Variants in CNTNAP5 observed in about 807,000 individuals in gnomAD.
The protein encoded by CNTNAP5 is contactin-associated protein-like 5.
Under a neutral mutation model 150.2 loss-of-function variants are expected in CNTNAP5, and 72 were observed. The ratio of observed to expected loss-of-function variants is 0.48; its 90% CI spans 0.40 to 0.58. The LOEUF (loss-of-function observed/expected upper bound fraction) is 0.58. Among genes scored for constraint, CNTNAP5 ranks in the 20% least tolerant of loss-of-function variants. The pLI is 0.00. For synonymous variants in CNTNAP5, 672 were observed against 619.8 expected (o/e 1.08, Z -1.25); for missense variants, 1,636 against 1,626.2 (o/e 1.01, Z -0.10).
chr2:124,252,604 G>A lies in CNTNAP5; in HGVS notation c.381+10211G>A, dbSNP rs535127434. ...TTCATACACTCCCCCCTCATTCCAC[G>A]TAATGTGTTTGAGTTCTCTTCTTGA... On this transcript the variant is annotated intron_variant, in intron 3 of 23. Transcript: ENST00000682447. Among the ~76,000 whole-genome samples the A allele has an allele frequency of 2.1e-4, 32 of 152,112 alleles. No homozygotes were observed. In the South Asian group the frequency reaches 2.3e-3, roughly 11 times the overall value.
chr2:124,559,537 A>T (rs1421341545), intron 10 of CNTNAP5, among the ~76,000 whole-genome samples: 1 of 152,196 alleles, frequency 6.6e-6, no homozygotes, highest in African/African-American at 2.4e-5. Context: ...TATCGTTAGG[A>T]TTTTAGAAGA....
intron 3 of CNTNAP5, among the ~76,000 whole-genome samples, chr2:124,278,066 C>T (rs752990972): frequency 9.2e-5 from 14 of 152,034 alleles, no homozygotes; most frequent in African/African-American, 2.2e-4. Context: ...CTGTTAAAAA[C>T]GCTGAAAGAA....
At chr2:124,133,676 T>C (rs990964072) in intron 1 of CNTNAP5, among the ~76,000 whole-genome samples, 5 of 152,054 alleles carry the variant, frequency 3.3e-5, no homozygotes, top group Non-Finnish European at 4.4e-5. Flanking sequence ...GTAGTGCTTT[T>C]TTTCCCTCTG....
chr2:124,461,288 C>A (rs2104820918), intron 6 of CNTNAP5, among the ~76,000 whole-genome samples: 1 of 152,096 alleles, frequency 6.6e-6, no homozygotes, highest in African/African-American at 2.4e-5. Flanking sequence ...AAATGTCCAA[C>A]AATGATAGAC....
intron 3 of CNTNAP5, among the ~76,000 whole-genome samples, chr2:124,279,116 T>C (rs1327288841): frequency 1.3e-5 from 2 of 151,948 alleles, no homozygotes; most frequent in Admixed American, 6.6e-5. Context: ...ACAGCTCTGA[T>C]TGACGCCGCT....
intron 21 of CNTNAP5, among the ~76,000 whole-genome samples, chr2:124,887,158 G>A (rs1678098188): frequency 1.3e-5 from 2 of 151,984 alleles, no homozygotes; most frequent in South Asian, 4.1e-4. Context: ...AGCTGTGTAA[G>A]CTCTTAGTTC....
intron 3 of CNTNAP5, among the ~76,000 whole-genome samples, chr2:124,258,306 G>T (rs1049680294): frequency 6.6e-6 from 1 of 152,118 alleles, no homozygotes; most frequent in South Asian, 2.1e-4. Flanking sequence ...CCTAGAATAT[G>T]CTCTTTGTAC....
intron 11 of CNTNAP5, among the ~76,000 whole-genome samples, chr2:124,593,196 A>T (rs1205361142): frequency 6.8e-6 from 1 of 147,098 alleles, no homozygotes; most frequent in Non-Finnish European, 1.5e-5. Context: ...CAGGTTAGTT[A>T]CATATGTATA....
At chr2:124,288,531 C>A (rs1573893059) in intron 3 of CNTNAP5, among the ~76,000 whole-genome samples, 1 of 152,066 alleles carries the variant, frequency 6.6e-6, no homozygotes, top group African/African-American at 2.4e-5. Flanking sequence ...ATTATTTTCT[C>A]TTGGTGTCAT....
At chr2:124,683,617 A>G (rs912308777) in intron 13 of CNTNAP5, among the ~76,000 whole-genome samples, 2 of 152,118 alleles carry the variant, frequency 1.3e-5, no homozygotes, top group Admixed American at 1.3e-4. Flanking sequence ...GGCTTTTTAA[A>G]TAAGGGAATC....
chr2:124,808,549 G>C (rs2104653601), intron 19 of CNTNAP5, among the ~76,000 whole-genome samples: 1 of 151,218 alleles, frequency 6.6e-6, no homozygotes, highest in South Asian at 2.1e-4. Context: ...GATTGCACCA[G>C]GGCACTCCAG....
At chr2:124,488,440 G>A (rs139253265) in intron 7 of CNTNAP5, among the ~76,000 whole-genome samples, 45 of 152,250 alleles carry the variant, frequency 3.0e-4, no homozygotes, top group South Asian at 6.2e-4. Context: ...CCCAAGATAC[G>A]TAACTAGCAT....
intron 3 of CNTNAP5, among the ~76,000 whole-genome samples, chr2:124,308,746 G>C (rs1688751176): frequency 6.6e-6 from 1 of 152,102 alleles, no homozygotes; most frequent in African/African-American, 2.4e-5. Context: ...AAATATAAAA[G>C]CACTAACTGG....
chr2:124,374,137 A>G (rs1409487672), intron 3 of CNTNAP5, among the ~76,000 whole-genome samples: 1 of 152,110 alleles, frequency 6.6e-6, no homozygotes, highest in Non-Finnish European at 1.5e-5. Flanking sequence ...ATAAATTCTT[A>G]GATTTTAAGT....
intron 12 of CNTNAP5, among the ~76,000 whole-genome samples, chr2:124,636,291 G>A (rs1338745871): frequency 6.6e-6 from 1 of 152,042 alleles, no homozygotes; most frequent in Non-Finnish European, 1.5e-5. Flanking sequence ...CTTCTATGAG[G>A]TAATCGATGT....
At chr2:124,106,584 T>C (rs1017845080) in intron 1 of CNTNAP5, among the ~76,000 whole-genome samples, 4 of 152,186 alleles carry the variant, frequency 2.6e-5, no homozygotes, top group African/African-American at 9.7e-5. Flanking sequence ...CAAAAAGCCA[T>C]GAAGACTCTA....
At chr2:124,825,567 A>T (rs1257704509) in intron 19 of CNTNAP5, among the ~76,000 whole-genome samples, 1 of 152,166 alleles carries the variant, frequency 6.6e-6, no homozygotes, top group Non-Finnish European at 1.5e-5. Flanking sequence ...GTGAGAAATG[A>T]ATGCATCCTA....
intron 1 of CNTNAP5, among the ~76,000 whole-genome samples, chr2:124,190,956 G>C (rs756271427): frequency 1.3e-4 from 20 of 152,106 alleles, no homozygotes; most frequent in Non-Finnish European, 2.6e-4. Flanking sequence ...CACTCCATGT[G>C]TCTATTGTTT....
intron 1 of CNTNAP5, among the ~76,000 whole-genome samples, chr2:124,087,576 G>T (rs1477256121): frequency 1.3e-5 from 2 of 151,780 alleles, no homozygotes; most frequent in African/African-American, 4.9e-5. Context: ...ACAAAAATTA[G>T]CTGGGCGTGG....
Sources: allele counts gnomAD v4.1 joint callset (sites outside exome capture counted in the v4.1 genomes callset), GRCh38; gene constraint gnomAD v4.1.1; transcripts MANE v1.5; gene names NCBI Gene and HGNC (gene_info 2026-07-23, HGNC 2026-07-21).